Variants in ZNF75A observed in about 807,000 individuals in gnomAD.
ZNF75A encodes zinc finger protein 75A.
ZNF75A carries 36 observed loss-of-function variants against 46.3 expected under a neutral mutation model. That is an observed-to-expected ratio of 0.78 (90% CI 0.60 to 1.03). The LOEUF (loss-of-function observed/expected upper bound fraction) is 1.03. Among genes scored for constraint, ZNF75A ranks in the 50% least tolerant of loss-of-function variants. The pLI, the probability that ZNF75A is intolerant of heterozygous loss-of-function variation, is 0.00. For missense variants in ZNF75A, 595 were observed against 551.3 expected (o/e 1.08, Z -0.79); for synonymous variants, 234 against 189.9 (o/e 1.23, Z -1.91).
At chr16:3,321,149 C>A (rs548050729), downstream of ZNF75A, among the ~76,000 whole-genome samples, 6 of 152,272 alleles carry the variant, frequency 3.9e-5, no homozygotes, top group South Asian at 1.0e-3. Context: ...ATATTAAAAT[C>A]TATTGAGGCT....
At chr16:3,317,097 G>C (rs1567272912) in intron 6 of ZNF75A, 75 bp downstream of exon 6, 1 of 1,534,004 alleles carries the variant, frequency 6.5e-7, no homozygotes, top group Non-Finnish European at 8.8e-7. Flanking sequence ...TTAAGATTTT[G>C]TTCCTTTTTT....
intron 2 of ZNF75A, chr16:3,309,462 A>AC (rs1567266899): frequency 6.8e-6 from 1 of 148,022 alleles, no homozygotes; most frequent in African/African-American, 2.6e-5. Context: ...AAAAAAAAAA[A>AC]AAACAAAAAA....
downstream of ZNF75A, among the ~76,000 whole-genome samples, chr16:3,319,714 C>G (rs778037890): frequency 1.1e-4 from 16 of 151,886 alleles, no homozygotes; most frequent in Non-Finnish European, 2.1e-4. Context: ...GCTCCTTGCT[C>G]TAAGACGGGT....
chr16:3,319,791 T>TTA, downstream of ZNF75A, among the ~76,000 whole-genome samples: 1 of 115,458 alleles, frequency 8.7e-6, no homozygotes, highest in South Asian at 4.4e-4. Flanking sequence ...TCATTTTTTT[T>TTA]TTTTTATTTT....
chr16:3,312,607 A>G, intron 3 of ZNF75A, 70 bp from the exon 4 acceptor site: 1 of 664,168 alleles, frequency 1.5e-6, no homozygotes, highest in Non-Finnish European at 1.9e-6. Flanking sequence ...AGTCAGGATC[A>G]GTGTTTTAGA....
chr16:3,322,092 G>C (rs1360250905), downstream of ZNF75A, among the ~76,000 whole-genome samples: 1 of 151,232 alleles, frequency 6.6e-6, no homozygotes, highest in African/African-American at 2.4e-5. Context: ...AGGTTTTCTA[G>C]TGCATAAATA....
intron 2 of ZNF75A, chr16:3,310,584 C>A: frequency 1.3e-6 from 1 of 776,558 alleles, no homozygotes; most frequent in Non-Finnish European, 1.6e-6. Context: ...CATGATTGTA[C>A]CACTGTACCC....
intron 5 of ZNF75A, among the ~76,000 whole-genome samples, chr16:3,314,594 C>T (rs1961057782): frequency 2.0e-5 from 3 of 152,236 alleles, no homozygotes; most frequent in Admixed American, 6.5e-5. Flanking sequence ...GGCTCCTTTT[C>T]TTCTGCCTTC....
downstream of ZNF75A, chr16:3,323,001 A>T: frequency 1.1e-6 from 1 of 874,482 alleles, no homozygotes; most frequent in Non-Finnish European, 1.4e-6. Context: ...TTGGAACTGG[A>T]CTGTGATGAG....
At chr16:3,315,753 T>G (rs1961161486) in intron 5 of ZNF75A, among the ~76,000 whole-genome samples, 1 of 152,252 alleles carries the variant, frequency 6.6e-6, no homozygotes, top group African/African-American at 2.4e-5. Flanking sequence ...GAAAACCTGA[T>G]CAGATCGTTG....
In ZNF75A at chr16:3,311,930, G is replaced by A. The variant is rs1462583143; in HGVS notation, c.586G>A (p.Glu196Lys). ...QLSRNTHKET[E>K]PVYERAVPTQ... is the part of the protein sequence containing the mutation. ...CAGCAGGAATACTCATAAAGAGACTGAGCCTGTGTATGAGAGGGGTAAGGA... is the reference window on the plus strand; with the variant it reads ...CAGCAGGAATACTCATAAAGAGACTAAGCCTGTGTATGAGAGGGGTAAGGA... Residue 196 changes from glutamate (E) to lysine (K), a missense_variant, in exon 3 of 7, where the codon GAG (glutamate) becomes AAG (lysine). Transcript: ENST00000669516. 1.1e-5 allele frequency: 11 copies of A among 986,790 alleles called. No homozygotes were observed. Among genetic ancestry groups the A allele is most frequent in the African/African-American group, 1.7e-5 (1 of 57,254 alleles). The allele number at this position is 986,790 out of a possible 1,614,324, so 61.1% of individuals were successfully genotyped here. A position where few individuals can be genotyped will look rare whatever the true frequency, so the allele number is the denominator to read the frequency against.
chr16:3,310,381 G>A (rs1378593593), intron 2 of ZNF75A, among the ~76,000 whole-genome samples: 2 of 151,468 alleles, frequency 1.3e-5, no homozygotes, highest in East Asian at 2.0e-4. Context: ...GCAACTGAGC[G>A]AGACTCCATG....
intron 5 of ZNF75A, chr16:3,314,867 G>T (rs12325636): frequency 1.0e-6 from 1 of 985,036 alleles, no homozygotes; most frequent in Non-Finnish European, 1.2e-6. Flanking sequence ...ACTGTCATTT[G>T]TCTAGGTAAA....
At chr16:3,313,507 GTCA>G (rs1960965590) in intron 5 of ZNF75A, among the ~76,000 whole-genome samples, 1 of 152,052 alleles carries the variant, frequency 6.6e-6, no homozygotes, top group Non-Finnish European at 1.5e-5. Flanking sequence ...TTCTGATCTT[GTCA>G]TCATACCCCA....
Position 3,313,215 on chromosome 16 carries a change from A to G in ZNF75A, c.823+40A>G, listed in dbSNP as rs1466478894. On this transcript the variant is annotated intron_variant, in intron 5 of 6. Coordinates refer to ENST00000669516, the MANE Select transcript of ZNF75A (RefSeq NM_001302109.2). ...TTCCCTTTATGTAGTTGAGTACTCTATTCTTGGCTTACTGAGAAGGAACCC... is the reference window on the plus strand; with the variant it reads ...TTCCCTTTATGTAGTTGAGTACTCTGTTCTTGGCTTACTGAGAAGGAACCC... 3.8e-6 allele frequency: 6 copies of G among 1,598,126 alleles called. No individual in the cohort carries two copies. In the African/African-American group the frequency reaches 4.1e-5, roughly 11 times the overall value.
chr16:3,315,734 T>G (rs1961159967), intron 5 of ZNF75A, among the ~76,000 whole-genome samples: 1 of 152,210 alleles, frequency 6.6e-6, no homozygotes, highest in Non-Finnish European at 1.5e-5. Flanking sequence ...GAACCCCAAC[T>G]GATTTTTTGA....
rs1488693628 is a variant in ZNF75A, at chr16:3,317,402, CAA to C, written c.1148_1149del (p.Gln383ArgfsTer20). 3 of 1,613,986 alleles carry C rather than the reference CAA, an allele frequency of 1.9e-6. No individual in the cohort carries two copies. Among genetic ancestry groups the C allele is most frequent in the African/African-American group, 1.3e-5 (1 of 74,902 alleles). The stretch of plus-strand genomic sequence containing the variant: ...AAGAAAGAAACTTTCAACCTGGAAA[CAA>C]GAGCTGCTCAAACTTATGGATCGTC... Reference protein sequence around the residue: ...KKRKKLSTWKQELLKLMDRHK... With the variant: ...KKRKKLSTWKXELLKLMDRHK... On this transcript the variant is annotated frameshift_variant, in exon 7 of 7. Coordinates refer to ENST00000669516, the MANE Select transcript of ZNF75A (RefSeq NM_001302109.2). LOFTEE classifies it high-confidence loss of function.
At chr16:3,321,002 T>G (rs531319510), downstream of ZNF75A, among the ~76,000 whole-genome samples, 3 of 152,286 alleles carry the variant, frequency 2.0e-5, no homozygotes, top group African/African-American at 7.2e-5. Flanking sequence ...ACCCAGCTGC[T>G]GCACATAACA....
chr16:3,311,353 A>T (rs770828248), intron 2 of ZNF75A, among the ~76,000 whole-genome samples: 12 of 151,522 alleles, frequency 7.9e-5, no homozygotes, highest in Non-Finnish European at 1.6e-4. Context: ...CAGGAGAATC[A>T]CTTGAACCCA....
Sources: allele counts gnomAD v4.1 joint callset (sites outside exome capture counted in the v4.1 genomes callset), GRCh38; gene constraint gnomAD v4.1.1; transcripts MANE v1.5; gene names NCBI Gene and HGNC (gene_info 2026-07-23, HGNC 2026-07-21).